SLC8A1: variants seen among roughly 807,000 people sequenced by gnomAD.
The protein encoded by SLC8A1 is solute carrier family 8 member A1.
Under a neutral mutation model 68.3 loss-of-function variants are expected in SLC8A1, and 18 were observed. The observed-to-expected ratio is 0.26, with a 90% confidence interval of 0.18 to 0.39. The LOEUF (loss-of-function observed/expected upper bound fraction) is 0.39. Ranked by LOEUF, SLC8A1 falls within the 10% of genes least tolerant of loss-of-function variation. The probability of loss-of-function intolerance (pLI) is 1.00; values close to 1 mark genes in which losing one functional copy is unlikely to be tolerated. For missense variants in SLC8A1, 985 were observed against 1,156.7 expected (o/e 0.85, Z 2.15); for synonymous variants, 475 against 415.5 (o/e 1.14, Z -1.74).
intron 2 of SLC8A1, among the ~76,000 whole-genome samples, chr2:40,225,650 A>G (rs2058879202): frequency 6.6e-6 from 1 of 152,146 alleles, no homozygotes; most frequent in African/African-American, 2.4e-5. Context: ...ACTTAATCTT[A>G]AAGCCGCGCT....
chr2:40,220,236 G>A (rs1048145078), intron 2 of SLC8A1: 1 of 151,906 alleles, frequency 6.6e-6, no homozygotes, highest in South Asian at 2.1e-4. Context: ...GAGGAAAACA[G>A]TGGAGAGAAG....
intron 2 of SLC8A1, among the ~76,000 whole-genome samples, chr2:40,347,980 A>T (rs184624500): frequency 2.8e-4 from 43 of 152,342 alleles, no homozygotes; most frequent in Non-Finnish European, 4.4e-4. Context: ...TTTTAAAAGC[A>T]TATTCTCAGG....
chr2:40,454,587 T>A (rs34214503), upstream of SLC8A1, among the ~76,000 whole-genome samples: 5,521 of 151,974 alleles, frequency 0.036, 289 homozygotes, highest in East Asian at 0.26. Flanking sequence ...CTGATTTGGA[T>A]TCTTGGGAAA....
chr2:40,331,449 A>AC (rs2076396422), intron 2 of SLC8A1, among the ~76,000 whole-genome samples: 1 of 152,170 alleles, frequency 6.6e-6, no homozygotes, highest in South Asian at 2.1e-4. Context: ...ACCCTACAGT[A>AC]AAGAACACTC....
At chr2:40,373,884 G>A (rs1406642178) in intron 2 of SLC8A1, among the ~76,000 whole-genome samples, 3 of 152,066 alleles carry the variant, frequency 2.0e-5, no homozygotes, top group Non-Finnish European at 4.4e-5. Flanking sequence ...ATAGGTTTAG[G>A]TATTCTCTTT....
intron 2 of SLC8A1, among the ~76,000 whole-genome samples, chr2:40,238,673 A>G (rs2148948153): frequency 6.6e-6 from 1 of 152,360 alleles, no homozygotes; most frequent in South Asian, 2.1e-4. Flanking sequence ...AGCTAGAGCT[A>G]TGCAATCAGT....
chr2:40,099,028 A>T (rs2033738612), exon 8 of SLC8A1: 1 of 152,016 alleles, frequency 6.6e-6, no homozygotes, highest in South Asian at 2.1e-4. Context: ...ATATAAAAAT[A>T]TTTGTTTAGT....
At position 40,450,772 on chromosome 2, in the gene SLC8A1, G is replaced by C. The variant is rs370654665; in HGVS notation, c.-25+1132C>G. 5.3e-5 allele frequency among the ~76,000 whole-genome samples: 8 copies of C among 152,298 alleles called. No homozygotes were observed. In the South Asian group the frequency reaches 8.3e-4, roughly 16 times the overall value. On this transcript the variant is annotated intron_variant, in intron 1 of 7. Coordinates refer to ENST00000406785, the Ensembl canonical transcript of SLC8A1. ...GAGCGGCTTCAGGAGAGCCAGGTTC[G>C]GGGGCTTCAAAAGGATACCTAGCGC...
chr2:40,413,975 A>G (rs942852633), intron 2 of SLC8A1, among the ~76,000 whole-genome samples: 2 of 152,216 alleles, frequency 1.3e-5, no homozygotes, highest in East Asian at 1.9e-4. Context: ...GTTGAGCATC[A>G]TATTTTATAC....
intron 1 of SLC8A1, among the ~76,000 whole-genome samples, chr2:40,474,092 T>G (rs1284068857): frequency 6.6e-6 from 1 of 152,196 alleles, no homozygotes; most frequent in African/African-American, 2.4e-5. Context: ...TGTTGAGAAC[T>G]GCCTCTCTCA....
intron 4 of SLC8A1, among the ~76,000 whole-genome samples, chr2:40,168,027 C>A (rs2046837472): frequency 6.6e-6 from 1 of 152,066 alleles, no homozygotes; most frequent in Non-Finnish European, 1.5e-5. Flanking sequence ...GTTAATAAAG[C>A]CTCTTAGTTG....
chr2:40,167,499 G>A (rs935522484), intron 4 of SLC8A1, among the ~76,000 whole-genome samples: 1 of 152,178 alleles, frequency 6.6e-6, no homozygotes, highest in African/African-American at 2.4e-5. Flanking sequence ...TAGTTGGTAT[G>A]CAACCAAAGC....
chr2:40,279,527 A>G (rs1559073014), intron 2 of SLC8A1, among the ~76,000 whole-genome samples: 1 of 152,180 alleles, frequency 6.6e-6, no homozygotes, highest in Non-Finnish European at 1.5e-5. Context: ...ACAATTCCTA[A>G]TTGTTATTGA....
rs578069812 is a variant in SLC8A1, at chr2:40,150,364, G to A, written c.2161+10401C>T. On this transcript the variant is annotated intron_variant, in intron 6 of 7. Coordinates refer to ENST00000406785, the Ensembl canonical transcript of SLC8A1. ...CTCTCTGCCTATGGAGAGTGTTTGT[G>A]TGTGGTGGAGGGTGGCTATGGTTTC... Among the ~76,000 whole-genome samples the A allele has an allele frequency of 2.3e-4, 35 of 152,292 alleles. No homozygotes were observed. In the South Asian group the frequency reaches 7.0e-3, roughly 31 times the overall value.
chr2:40,425,338 A>T (rs2149766512), intron 2 of SLC8A1, among the ~76,000 whole-genome samples: 1 of 151,988 alleles, frequency 6.6e-6, no homozygotes, highest in African/African-American at 2.4e-5. Flanking sequence ...CTATTTCTAC[A>T]CTAAAAATAA....
chr2:40,361,998 G>T (rs1384565548), intron 2 of SLC8A1, among the ~76,000 whole-genome samples: 1 of 134,490 alleles, frequency 7.4e-6, no homozygotes, highest in Non-Finnish European at 1.5e-5. Context: ...GGGTTCAAGT[G>T]ATTCTCCTGA....
At chr2:40,163,905 G>A (rs1485767230) in intron 5 of SLC8A1, among the ~76,000 whole-genome samples, 1 of 152,208 alleles carries the variant, frequency 6.6e-6, no homozygotes, top group Non-Finnish European at 1.5e-5. Flanking sequence ...GGACTATTAT[G>A]AGAAGTCCAG....
At chr2:40,116,435 G>A (rs2035410826) in intron 7 of SLC8A1, among the ~76,000 whole-genome samples, 1 of 152,116 alleles carries the variant, frequency 6.6e-6, no homozygotes, top group Non-Finnish European at 1.5e-5. Context: ...CTAGCATTAG[G>A]TATATCTCCC....
At chr2:40,307,395 G>T (rs1418970328) in intron 2 of SLC8A1, among the ~76,000 whole-genome samples, 2 of 152,108 alleles carry the variant, frequency 1.3e-5, no homozygotes, top group Non-Finnish European at 2.9e-5. Flanking sequence ...AAGGGGAAAA[G>T]GGGAGTTGTT....
Sources: gnomAD v4.1 joint callset for allele counts (sites outside exome capture counted in the v4.1 genomes callset) on GRCh38, gnomAD v4.1.1 for gene constraint, MANE v1.5 for transcripts, NCBI Gene and HGNC (gene_info 2026-07-23, HGNC 2026-07-21) for gene names.